The following FARS2 variants were observed in gnomAD, a reference collection of about 807,000 sequenced individuals.
The protein encoded by FARS2 is phenylalanine--tRNA ligase, mitochondrial.
Under a neutral mutation model 46.4 loss-of-function variants are expected in FARS2, and 40 were observed. That is an observed-to-expected ratio of 0.86 (90% CI 0.67 to 1.12). FARS2 has a LOEUF of 1.12. FARS2 is among the 50% of genes most tolerant of loss of function. The probability of loss-of-function intolerance (pLI) is 0.00; values close to 1 mark genes in which losing one functional copy is unlikely to be tolerated. For missense variants in FARS2, 513 were observed against 567.9 expected (o/e 0.90, Z 0.98); for synonymous variants, 234 against 214.9 (o/e 1.09, Z -0.78).
In FARS2 at chr6:5,583,338, G is replaced by A. The variant is rs7774313; in HGVS notation, c.1066-29831G>A. On this transcript the variant is annotated intron_variant, in intron 5 of 6. Coordinates refer to ENST00000274680, the MANE Select transcript of FARS2 (RefSeq NM_006567.5). Reference sequence around the variant, plus strand: ...AGTGTTTATTGAGCACCTGCAGCCAGGTGAGAGGCATTCTGCAGAATTTGT... The same window carrying A: ...AGTGTTTATTGAGCACCTGCAGCCAAGTGAGAGGCATTCTGCAGAATTTGT... Among the ~76,000 whole-genome samples, 41 of 152,310 alleles carry A rather than the reference G, an allele frequency of 2.7e-4. 1 individual carries two copies. The highest frequency in any genetic ancestry group is 9.9e-4 in the African/African-American group (41 of 41,572).
At chr6:5,597,651 T>G (rs1405419869) in intron 5 of FARS2, among the ~76,000 whole-genome samples, 2 of 152,194 alleles carry the variant, frequency 1.3e-5, no homozygotes, top group African/African-American at 4.8e-5. Flanking sequence ...GTTGGACTCA[T>G]TTGAATTTGG....
At chr6:5,571,546 C>T (rs1023690850) in intron 5 of FARS2, among the ~76,000 whole-genome samples, 3 of 152,118 alleles carry the variant, frequency 2.0e-5, no homozygotes, top group Admixed American at 6.6e-5. Context: ...TTCTGAATCA[C>T]GAGCCCTCTG....
chr6:5,660,270 G>A (rs1777789759), intron 6 of FARS2, among the ~76,000 whole-genome samples: 1 of 152,176 alleles, frequency 6.6e-6, no homozygotes, highest in African/African-American at 2.4e-5. Flanking sequence ...AGACTAGAGG[G>A]GAAATTAACT....
chr6:5,717,563 C>T (rs892478925), intron 6 of FARS2, among the ~76,000 whole-genome samples: 6 of 152,076 alleles, frequency 3.9e-5, no homozygotes, highest in Admixed American at 1.3e-4. Flanking sequence ...GTAGCTGAAT[C>T]TAGAGGCTTG....
At chr6:5,398,493 C>T (rs1761037924) in intron 2 of FARS2, among the ~76,000 whole-genome samples, 1 of 150,902 alleles carries the variant, frequency 6.6e-6, no homozygotes, top group Non-Finnish European at 1.5e-5. Context: ...TTTTTGTCCC[C>T]ATGAGATATC....
rs575997193 is a variant in FARS2, at chr6:5,594,891, C to A, written c.1066-18278C>A. 7.3e-4 allele frequency among the ~76,000 whole-genome samples: 111 copies of A among 152,288 alleles called. 6 individuals carry two copies. In the South Asian group the frequency reaches 0.019, roughly 26 times the overall value. On this transcript the variant is annotated intron_variant, in intron 5 of 6. Coordinates refer to ENST00000274680, the MANE Select transcript of FARS2 (RefSeq NM_006567.5). ...CTCCTGGTTGCCAGTGTATAGGAGC[C>A]GTGTTGCTGAGCCCCTGACAGGAAT...
chr6:5,480,341 A>G (rs1043798028), intron 4 of FARS2, among the ~76,000 whole-genome samples: 12 of 152,264 alleles, frequency 7.9e-5, no homozygotes, highest in African/African-American at 1.7e-4. Context: ...CACAGATTCA[A>G]TATGAGTTAA....
intron 3 of FARS2, among the ~76,000 whole-genome samples, chr6:5,421,074 C>T (rs1279985673): frequency 6.6e-6 from 1 of 152,210 alleles, no homozygotes; most frequent in African/African-American, 2.4e-5. Flanking sequence ...ACCCCTACAG[C>T]AAACTTCTGC....
intron 1 of FARS2, among the ~76,000 whole-genome samples, chr6:5,332,058 G>T (rs957470846): frequency 1.3e-5 from 2 of 152,066 alleles, no homozygotes; most frequent in Non-Finnish European, 2.9e-5. Context: ...ATCCCCTTTA[G>T]TTTCAGACAG....
intron 1 of FARS2, among the ~76,000 whole-genome samples, chr6:5,288,630 C>T (rs1173674610): frequency 1.3e-5 from 2 of 152,172 alleles, no homozygotes; most frequent in African/African-American, 4.8e-5. Context: ...AGTATATGTA[C>T]GTGCTGGGCA....
intron 6 of FARS2, among the ~76,000 whole-genome samples, chr6:5,711,460 G>C (rs923045783): frequency 1.3e-5 from 2 of 152,182 alleles, no homozygotes; most frequent in African/African-American, 4.8e-5. Context: ...AGGGAGGAAA[G>C]AAAGTAACTT....
In FARS2 at chr6:5,771,486, G is replaced by C; in HGVS notation, c.*57G>C. ...TGGGGCTCCAGGATTTGCTGAAAGAGAAAAAGATATGGTTTGTGAACTGGG... is the reference window on the plus strand; with the variant it reads ...TGGGGCTCCAGGATTTGCTGAAAGACAAAAAGATATGGTTTGTGAACTGGG... On this transcript the variant is annotated 3_prime_UTR_variant, in exon 7 of 7. Transcript: ENST00000274680. 1 of 1,557,314 alleles carries C rather than the reference G, an allele frequency of 6.4e-7. No homozygotes were observed. The highest frequency in any genetic ancestry group is 8.7e-7 in the Non-Finnish European group (1 of 1,153,522).
At chr6:5,706,937 GAT>G (rs372556439) in intron 6 of FARS2, among the ~76,000 whole-genome samples, 1 of 152,216 alleles carries the variant, frequency 6.6e-6, no homozygotes, top group African/African-American at 2.4e-5. Context: ...GCGGAGCTGT[GAT>G]AGAGTCTGAG....
In FARS2 at chr6:5,404,597, G is replaced by A. The variant is rs770650914; in HGVS notation, c.668G>A (p.Arg223His). Residue 223 changes from arginine (R) to histidine (H), a missense_variant, in exon 3 of 7, where the codon CGC becomes CAC. Coordinates refer to ENST00000274680, the MANE Select transcript of FARS2 (RefSeq NM_006567.5). ...CTGCAGCTCTTTGAACAAAGTTCTC[G>A]CTCTGCGCATAAACAAGAGACACAC... is the stretch of plus-strand genomic sequence containing the variant. ...ESLQLFEQSS[R>H]SAHKQETHTM... The A allele has an allele frequency of 1.1e-5, 17 of 1,611,152 alleles. No homozygotes were observed. Among genetic ancestry groups the A allele is most frequent in the South Asian group, 1.1e-5 (1 of 90,432 alleles).
intron 6 of FARS2, among the ~76,000 whole-genome samples, chr6:5,667,075 G>A (rs902749436): frequency 5.3e-5 from 8 of 152,142 alleles, no homozygotes; most frequent in African/African-American, 1.9e-4. Context: ...GGAAGAGGGA[G>A]AAGATCAGGA....
intron 1 of FARS2, among the ~76,000 whole-genome samples, chr6:5,336,154 T>A (rs1771142667): frequency 6.6e-6 from 1 of 152,194 alleles, no homozygotes; most frequent in Non-Finnish European, 1.5e-5. Flanking sequence ...TTTCCTATTG[T>A]GTTTTATTTT....
rs549479635 is a variant in FARS2 at position 5,717,976 on chromosome 6, G to A, written c.1218-53315G>A. 9.2e-5 allele frequency among the ~76,000 whole-genome samples: 11 copies of A among 119,968 alleles called. No individual in the cohort carries two copies. In the East Asian group the frequency reaches 2.1e-3, roughly 23 times the overall value. 78.7% of individuals were successfully genotyped at this position (119,968 alleles called of 152,430 possible). On this transcript the variant is annotated intron_variant, in intron 6 of 6. Coordinates refer to ENST00000274680, the MANE Select transcript of FARS2 (RefSeq NM_006567.5). ...GTCGCCCAGGCTGGAGTACAGTGGC[G>A]TGATCTCTGCTCACTGCAACCTCCA... is the stretch of plus-strand genomic sequence containing the variant.
intron 1 of FARS2, among the ~76,000 whole-genome samples, chr6:5,272,872 C>CT (rs1175939723): frequency 1.3e-5 from 2 of 152,186 alleles, no homozygotes; most frequent in Non-Finnish European, 2.9e-5. Flanking sequence ...ATGAGATTCA[C>CT]TTTTTTAGCT....
intron 1 of FARS2, among the ~76,000 whole-genome samples, chr6:5,356,829 G>A (rs1377186769): frequency 1.3e-5 from 2 of 152,118 alleles, no homozygotes; most frequent in Non-Finnish European, 2.9e-5. Context: ...TAAGAAGAAC[G>A]GACGGCATAT....
Sources: gnomAD v4.1 joint callset for allele counts (sites outside exome capture counted in the v4.1 genomes callset) on GRCh38, gnomAD v4.1.1 for gene constraint, MANE v1.5 for transcripts, NCBI Gene and HGNC (gene_info 2026-07-23, HGNC 2026-07-21) for gene names.